Variants in SMC6 observed in about 807,000 individuals in gnomAD.
SMC6 encodes structural maintenance of chromosomes protein 6.
A neutral mutation model predicts 142.2 loss-of-function variants in SMC6; 79 were observed. The ratio of observed to expected loss-of-function variants is 0.56; its 90% confidence interval spans 0.46 to 0.67. The LOEUF (loss-of-function observed/expected upper bound fraction) is 0.67, where lower values mean the gene tolerates loss of function less well. Ranked by LOEUF, SMC6 falls within the 30% of genes least tolerant of loss-of-function variation. SMC6 has a pLI of 0.00. For missense variants in SMC6, 1,072 were observed against 1,284.0 expected (o/e 0.83, Z 2.52); for synonymous variants, 411 against 412.4 (o/e 1.00, Z 0.04).
At chr2:17,686,014 TGA>T (rs1462057206) in intron 23 of SMC6, among the ~76,000 whole-genome samples, 2 of 152,138 alleles carry the variant, frequency 1.3e-5, no homozygotes, top group African/African-American at 4.8e-5. Flanking sequence ...GAAAAAATGT[TGA>T]GTTTTATTCA....
At chr2:17,709,304 A>ACT (rs1351164710) in intron 16 of SMC6, among the ~76,000 whole-genome samples, 2 of 152,200 alleles carry the variant, frequency 1.3e-5, no homozygotes, top group African/African-American at 4.8e-5. Flanking sequence ...TGATATGAGA[A>ACT]AAGAAAAACT....
chr2:17,712,782 A>T (rs1207520788), intron 16 of SMC6, among the ~76,000 whole-genome samples: 1 of 152,258 alleles, frequency 6.6e-6, no homozygotes. Context: ...CACAGAAAAA[A>T]ATCACCCCTT....
chr2:17,746,012 A>C, intron 2 of SMC6, 61 bp from the exon 3 acceptor site: 2 of 1,382,482 alleles, frequency 1.4e-6, no homozygotes, highest in South Asian at 3.2e-5. Flanking sequence ...TAAACTCAAC[A>C]AAATAAATCT....
intron 7 of SMC6, among the ~76,000 whole-genome samples, chr2:17,729,013 G>T (rs1476615411): frequency 6.6e-6 from 1 of 152,094 alleles, no homozygotes; most frequent in Admixed American, 6.6e-5. Context: ...GCCTCCCAAA[G>T]TGTGGGGATA....
intron 23 of SMC6, among the ~76,000 whole-genome samples, chr2:17,694,415 G>A (rs1209923503): frequency 4.6e-5 from 7 of 152,158 alleles, no homozygotes; most frequent in South Asian, 2.1e-4. Context: ...CACATCGTAT[G>A]TATGTATCAA....
chr2:17,718,596 T>C (rs1459602718), intron 11 of SMC6, among the ~76,000 whole-genome samples: 1 of 151,978 alleles, frequency 6.6e-6, no homozygotes, highest in Non-Finnish European at 1.5e-5. Context: ...AAACCAGAGG[T>C]TGGCCAGAAA....
chr2:17,666,942 A>G (rs1666525007), intron 26 of SMC6, among the ~76,000 whole-genome samples: 1 of 152,212 alleles, frequency 6.6e-6, no homozygotes, highest in Non-Finnish European at 1.5e-5. Flanking sequence ...TGATCGCACC[A>G]TTGTACTCTA....
At chr2:17,688,213 A>C (rs1460163213) in intron 23 of SMC6, among the ~76,000 whole-genome samples, 1 of 152,108 alleles carries the variant, frequency 6.6e-6, no homozygotes, top group Admixed American at 6.5e-5. Context: ...TCCTTAAAAA[A>C]AGGAACCAGG....
chr2:17,684,038 A>C (rs1319838393), intron 23 of SMC6, among the ~76,000 whole-genome samples: 1 of 152,226 alleles, frequency 6.6e-6, no homozygotes, highest in Non-Finnish European at 1.5e-5. Context: ...GGTACGGCCT[A>C]GAGGTGGCAG....
rs753130267 is a variant in SMC6 at position 17,665,491 on chromosome 2, G to A, written c.*8C>T. ...TCAACATCAGGACAAGGCATGTTAAGTTACAAATCACCTTTGGTCATCATC... is the reference window on the plus strand; with the variant it reads ...TCAACATCAGGACAAGGCATGTTAAATTACAAATCACCTTTGGTCATCATC... On this transcript the variant is annotated 3_prime_UTR_variant, in exon 28 of 28. Coordinates refer to ENST00000448223, the MANE Select transcript of SMC6 (RefSeq NM_001142286.2). 11 of 1,593,674 alleles carry A rather than the reference G, an allele frequency of 6.9e-6. No homozygotes were observed. In the Admixed American group the frequency reaches 1.0e-4, roughly 15 times the overall value.
chr2:17,733,945 G>A (rs1165060854), intron 5 of SMC6, among the ~76,000 whole-genome samples: 1 of 152,122 alleles, frequency 6.6e-6, no homozygotes, highest in East Asian at 1.9e-4. Context: ...AAAAAATAAG[G>A]AAGTACACAT....
At chr2:17,693,264 C>A (rs575303145) in intron 23 of SMC6, among the ~76,000 whole-genome samples, 4 of 151,884 alleles carry the variant, frequency 2.6e-5, no homozygotes, top group African/African-American at 9.7e-5. Context: ...ATGTTTATTG[C>A]GGCACTATTC....
intron 23 of SMC6, among the ~76,000 whole-genome samples, chr2:17,685,202 CA>C (rs201961062): frequency 6.3e-4 from 92 of 145,628 alleles, no homozygotes; most frequent in African/African-American, 2.3e-3. Context: ...CTAAAGACCT[CA>C]AAAAAAAACC....
At chr2:17,719,944 T>C (rs934732546) in intron 11 of SMC6, among the ~76,000 whole-genome samples, 2 of 152,188 alleles carry the variant, frequency 1.3e-5, no homozygotes, top group African/African-American at 2.4e-5. Context: ...ACAGCCAAGC[T>C]TGGGGGCCAG....
chr2:17,737,058 T>C (rs1670192140), intron 5 of SMC6, among the ~76,000 whole-genome samples: 1 of 152,126 alleles, frequency 6.6e-6, no homozygotes, highest in Non-Finnish European at 1.5e-5. Context: ...TGGGGCCCCA[T>C]GAAGTGGAGA....
At chr2:17,673,605 T>C (rs1666868638) in intron 25 of SMC6, among the ~76,000 whole-genome samples, 2 of 151,858 alleles carry the variant, frequency 1.3e-5, no homozygotes, top group Admixed American at 1.3e-4. Flanking sequence ...GTTTCGCTCT[T>C]ATTGCCCAGG....
chr2:17,674,561 G>A (rs548704012), intron 25 of SMC6, among the ~76,000 whole-genome samples: 2 of 152,224 alleles, frequency 1.3e-5, no homozygotes, highest in African/African-American at 4.8e-5. Context: ...TAATTTGGTT[G>A]TGTAATTTAA....
At chr2:17,709,876 TCGCAAAGAC>T (rs2124972472) in intron 16 of SMC6, among the ~76,000 whole-genome samples, 1 of 152,130 alleles carries the variant, frequency 6.6e-6, no homozygotes, top group East Asian at 1.9e-4. Context: ...GGAAGAGCAA[TCGCAAAGAC>T]CCTAAAAGGT....
At position 17,725,361 on chromosome 2, in the gene SMC6, ATTAT is replaced by A; in HGVS notation, c.625-7_625-4del. 6.4e-7 allele frequency: 1 copy of A among 1,573,456 alleles called. No homozygotes were observed. The highest frequency in any genetic ancestry group is 1.9e-5 in the Admixed American group (1 of 51,794). On this transcript the variant is annotated splice_region_variant and splice_polypyrimidine_tract_variant and intron_variant, in intron 8 of 27. Coordinates refer to ENST00000448223, the MANE Select transcript of SMC6 (RefSeq NM_001142286.2). ...AGTTGCGTTGCTTTCATGAAGAACT[ATTAT>A]CAATAACAAAAAAAAACGCAATTAG...
Sources: allele counts gnomAD v4.1 joint callset (sites outside exome capture counted in the v4.1 genomes callset), GRCh38; gene constraint gnomAD v4.1.1; transcripts MANE v1.5; gene names NCBI Gene and HGNC (gene_info 2026-07-23, HGNC 2026-07-21).